NKD1: variants seen among roughly 807,000 people sequenced by gnomAD.
NKD1 encodes the protein protein naked cuticle homolog 1.
In NKD1, 21 loss-of-function variants were observed where a neutral mutation model predicts 56.0. That is an observed-to-expected ratio of 0.38 (90% CI 0.27 to 0.54). NKD1 has a LOEUF of 0.54. Among genes scored for constraint, NKD1 ranks in the 20% least tolerant of loss-of-function variants. The pLI is 0.82. For synonymous variants in NKD1, 263 were observed against 265.7 expected (o/e 0.99, Z 0.10); for missense variants, 578 against 642.7 (o/e 0.90, Z 1.09).
intron 3 of NKD1, among the ~76,000 whole-genome samples, chr16:50,582,477 T>A (rs1961138156): frequency 6.6e-6 from 1 of 152,208 alleles, no homozygotes; most frequent in African/African-American, 2.4e-5. Context: ...CCTGTGTATG[T>A]GCAGGGAGAG....
intron 3 of NKD1, among the ~76,000 whole-genome samples, chr16:50,591,827 T>A (rs778602863): frequency 2.6e-5 from 4 of 152,192 alleles, no homozygotes; most frequent in Non-Finnish European, 5.9e-5. Flanking sequence ...AGGGAGCTGG[T>A]GTGGCAATGC....
intron 2 of NKD1, chr16:50,549,090 G>A (rs1211923787): frequency 6.4e-6 from 1 of 155,726 alleles, no homozygotes; most frequent in Non-Finnish European, 1.2e-5. Flanking sequence ...CCGATATCCT[G>A]GCTCCTGCAC....
chr16:50,630,807 C>A lies in NKD1; in HGVS notation c.611-19C>A, dbSNP rs746184257. ...GGCAGCTCACCTGGTGTCTCCTGTG[C>A]TTCTCGGGCCGGACTCAGACCTGCA... On this transcript the variant is annotated intron_variant, in intron 7 of 9. Coordinates refer to ENST00000268459, the MANE Select transcript of NKD1 (RefSeq NM_033119.5). 22 of 1,573,266 alleles carry A rather than the reference C, an allele frequency of 1.4e-5. No individual in the cohort carries two copies. Among genetic ancestry groups the A allele is most frequent in the Non-Finnish European group, 1.8e-5 (21 of 1,159,990 alleles).
chr16:50,626,416 A>ACCTTCC, intron 6 of NKD1, among the ~76,000 whole-genome samples: 1 of 152,236 alleles, frequency 6.6e-6, no homozygotes, highest in Non-Finnish European at 1.5e-5. Flanking sequence ...GACTGGCTGG[A>ACCTTCC]AGGTCCAGGG....
chr16:50,565,400 C>T (rs1960737492), intron 3 of NKD1, among the ~76,000 whole-genome samples: 1 of 149,708 alleles, frequency 6.7e-6, no homozygotes, highest in Admixed American at 6.6e-5. Flanking sequence ...ATATAGAAGC[C>T]AGGTGCAGTG....
At chr16:50,552,941 G>A (rs1464960910) in intron 3 of NKD1, among the ~76,000 whole-genome samples, 2 of 152,232 alleles carry the variant, frequency 1.3e-5, no homozygotes, top group Non-Finnish European at 2.9e-5. Context: ...AAGTCCAAGG[G>A]AATATGGACT....
At chr16:50,580,829 C>T (rs1452541891) in intron 3 of NKD1, among the ~76,000 whole-genome samples, 1 of 152,132 alleles carries the variant, frequency 6.6e-6, no homozygotes, top group Non-Finnish European at 1.5e-5. Context: ...CCCCAGAGCC[C>T]CTGCAGTGCC....
intron 4 of NKD1, 145 bp downstream of exon 4, chr16:50,608,505 A>T: frequency 5.1e-4 from 259 of 503,802 alleles, no homozygotes; most frequent in East Asian, 8.1e-4. Context: ...GGTGGACTAG[A>T]GGGTGGGATG....
chr16:50,630,455 G>C, intron 7 of NKD1, 122 bp downstream of exon 7: 1 of 1,090,574 alleles, frequency 9.2e-7, no homozygotes, highest in Non-Finnish European at 1.3e-6. Context: ...TTGTGGACAG[G>C]TGGGGTTCAA....
At chr16:50,619,925 G>C (rs987368848) in intron 4 of NKD1, among the ~76,000 whole-genome samples, 11 of 152,218 alleles carry the variant, frequency 7.2e-5, no homozygotes, top group Non-Finnish European at 1.5e-4. Context: ...GCCATGAAAG[G>C]CATGGAGGGG....
chr16:50,627,579 C>A (rs184636300), intron 6 of NKD1, among the ~76,000 whole-genome samples: 1 of 152,298 alleles, frequency 6.6e-6, no homozygotes, highest in East Asian at 1.9e-4. Context: ...GCTGTAAATA[C>A]AGTTCCCTTC....
chr16:50,603,942 C>T (rs1961651217), intron 3 of NKD1, among the ~76,000 whole-genome samples: 1 of 152,198 alleles, frequency 6.6e-6, no homozygotes, highest in East Asian at 1.9e-4. Context: ...GCCTGAGGGG[C>T]CACCAATCCA....
intron 3 of NKD1, among the ~76,000 whole-genome samples, chr16:50,564,923 A>T (rs767769910): frequency 5.7e-4 from 87 of 152,322 alleles, no homozygotes; most frequent in Non-Finnish European, 9.3e-4. Context: ...CTTTGGAGGT[A>T]TCTGCTGTAG....
chr16:50,606,934 C>T (rs1289534582), intron 3 of NKD1: 9 of 456,650 alleles, frequency 2.0e-5, no homozygotes, highest in Non-Finnish European at 3.5e-5. Flanking sequence ...CATCCCTTTC[C>T]TGTCATCGTC....
intron 3 of NKD1, among the ~76,000 whole-genome samples, chr16:50,559,284 C>T (rs1596704787): frequency 1.3e-5 from 2 of 152,120 alleles, no homozygotes; most frequent in Non-Finnish European, 2.9e-5. Flanking sequence ...AGTGTGGTAC[C>T]AGTGTGCTAA....
intron 3 of NKD1, among the ~76,000 whole-genome samples, chr16:50,583,158 C>T (rs1012681807): frequency 9.2e-5 from 14 of 152,138 alleles, no homozygotes; most frequent in Non-Finnish European, 2.1e-4. Flanking sequence ...AGAGTTTACT[C>T]CCCACTTGGA....
At chr16:50,577,138 G>T (rs1961009925) in intron 3 of NKD1, among the ~76,000 whole-genome samples, 1 of 152,216 alleles carries the variant, frequency 6.6e-6, no homozygotes, top group Non-Finnish European at 1.5e-5. Flanking sequence ...ACCAAGCTCT[G>T]CCTCTACCAG....
rs561919514 is a variant in NKD1 at position 50,612,099 on chromosome 16, C to G, written c.259+3739C>G. ...TAGGGTCTGGCATGCTGTATGTGCT[C>G]AATAAATAAACACTCACTGAAGAAG... On this transcript the variant is annotated intron_variant, in intron 4 of 9. Transcript: ENST00000268459. Among the ~76,000 whole-genome samples, 94 of 152,318 alleles carry G rather than the reference C, an allele frequency of 6.2e-4. 1 individual carries two copies. The highest frequency in any genetic ancestry group is 2.2e-3 in the African/African-American group (91 of 41,566).
chr16:50,554,165 A>G (rs948064805), intron 3 of NKD1, among the ~76,000 whole-genome samples: 1 of 152,170 alleles, frequency 6.6e-6, no homozygotes, highest in African/African-American at 2.4e-5. Flanking sequence ...CTAGAGCCCA[A>G]GAGCACCCTC....
Sources: allele counts gnomAD v4.1 joint callset (sites outside exome capture counted in the v4.1 genomes callset), GRCh38; gene constraint gnomAD v4.1.1; transcripts MANE v1.5; gene names NCBI Gene and HGNC (gene_info 2026-07-23, HGNC 2026-07-21).